Variants in DLG2 observed in about 807,000 individuals in gnomAD.
DLG2 encodes discs large MAGUK scaffold protein 2.
In DLG2, 45 loss-of-function variants were observed where a neutral mutation model predicts 132.5. The observed-to-expected ratio is 0.34, with a 90% CI of 0.27 to 0.44. The LOEUF is 0.44. Ranked by LOEUF, DLG2 falls within the 20% of genes least tolerant of loss-of-function variation. The pLI is 1.00. For missense variants in DLG2, 1,045 were observed against 1,196.9 expected (o/e 0.87, Z 1.87); for synonymous variants, 424 against 419.6 (o/e 1.01, Z -0.13).
At chr11:85,503,262 T>A (rs1395770749) in intron 3 of DLG2, among the ~76,000 whole-genome samples, 3 of 152,142 alleles carry the variant, frequency 2.0e-5, no homozygotes, top group African/African-American at 7.2e-5. Context: ...AGGAAAATAC[T>A]TTTCTTGACA....
intron 6 of DLG2, among the ~76,000 whole-genome samples, chr11:84,606,430 G>A (rs575135939): frequency 4.6e-5 from 7 of 152,156 alleles, no homozygotes; most frequent in African/African-American, 1.7e-4. Context: ...TCTTTGTATG[G>A]TGGACCTCTT....
intron 16 of DLG2, among the ~76,000 whole-genome samples, chr11:83,867,129 T>A (rs2154057343): frequency 6.6e-6 from 1 of 152,280 alleles, no homozygotes; most frequent in East Asian, 1.9e-4. Flanking sequence ...CTTTGTATTT[T>A]AATGTCTTAC....
chr11:84,865,013 A>T (rs914941925), intron 6 of DLG2, among the ~76,000 whole-genome samples: 6 of 152,322 alleles, frequency 3.9e-5, no homozygotes, highest in African/African-American at 1.4e-4. Context: ...AGGCATATAC[A>T]AAGAAAAATC....
intron 3 of DLG2, among the ~76,000 whole-genome samples, chr11:85,443,069 A>C (rs2091859862): frequency 6.6e-6 from 1 of 152,254 alleles, no homozygotes; most frequent in African/African-American, 2.4e-5. Context: ...AATAGAAAAT[A>C]AGATGTGAAA....
At chr11:83,867,179 A>G (rs1017681282) in intron 16 of DLG2, among the ~76,000 whole-genome samples, 4 of 152,122 alleles carry the variant, frequency 2.6e-5, no homozygotes, top group Admixed American at 1.3e-4. Context: ...AACAAAACAC[A>G]TACAAGTTTG....
intron 6 of DLG2, among the ~76,000 whole-genome samples, chr11:84,581,987 T>C (rs2099517721): frequency 6.6e-6 from 1 of 151,534 alleles, no homozygotes; most frequent in African/African-American, 2.4e-5. Context: ...GATTTAGTGT[T>C]CATATTCACA....
chr11:84,108,243 G>A (rs1391014752), intron 9 of DLG2, among the ~76,000 whole-genome samples: 1 of 152,054 alleles, frequency 6.6e-6, no homozygotes, highest in Non-Finnish European at 1.5e-5. Flanking sequence ...CAATATTTTG[G>A]AGATAAAGCA....
chr11:84,807,967 A>T, intron 6 of DLG2, among the ~76,000 whole-genome samples: 1 of 152,194 alleles, frequency 6.6e-6, no homozygotes, highest in East Asian at 1.9e-4. Context: ...GAATGCATAT[A>T]GAATAATAAC....
At chr11:83,893,118 T>C (rs1342418480) in intron 15 of DLG2, among the ~76,000 whole-genome samples, 3 of 152,180 alleles carry the variant, frequency 2.0e-5, no homozygotes, top group Non-Finnish European at 4.4e-5. Context: ...ACCACAGAAA[T>C]ACACCCTACC....
At chr11:83,871,646 T>A (rs956561157) in intron 16 of DLG2, among the ~76,000 whole-genome samples, 3 of 25,726 alleles carry the variant, frequency 1.2e-4, no homozygotes, top group African/African-American at 5.1e-4. Context: ...GTGCACGTTA[T>A]CTCTTCATCT....
At chr11:84,207,012 C>T (rs1406284784) in intron 8 of DLG2, among the ~76,000 whole-genome samples, 2 of 151,410 alleles carry the variant, frequency 1.3e-5, no homozygotes, top group Non-Finnish European at 3.0e-5. Context: ...TTTAAAAAAT[C>T]AATGCCAATT....
intron 9 of DLG2, among the ~76,000 whole-genome samples, chr11:84,131,310 T>C (rs1307284791): frequency 2.0e-5 from 3 of 151,984 alleles, no homozygotes; most frequent in Non-Finnish European, 4.4e-5. Flanking sequence ...AGTTCCAATG[T>C]TCTAATGGTA....
intron 3 of DLG2, among the ~76,000 whole-genome samples, chr11:85,307,831 T>C (rs1042712543): frequency 6.6e-6 from 1 of 152,208 alleles, no homozygotes; most frequent in African/African-American, 2.4e-5. Context: ...ACTTACAATG[T>C]TTTTTGACAG....
intron 6 of DLG2, among the ~76,000 whole-genome samples, chr11:85,089,571 A>T (rs1157245991): frequency 6.6e-6 from 1 of 152,190 alleles, no homozygotes; most frequent in Non-Finnish European, 1.5e-5. Flanking sequence ...TGCTATTATG[A>T]ATAGTACTGT....
intron 7 of DLG2, among the ~76,000 whole-genome samples, chr11:84,333,276 T>C (rs137861734): frequency 6.0e-4 from 92 of 152,370 alleles, no homozygotes; most frequent in African/African-American, 1.9e-3. Flanking sequence ...CTGTTAAACA[T>C]CTGCATTCCA....
intron 2 of DLG2, among the ~76,000 whole-genome samples, chr11:85,606,816 G>T (rs2080588961): frequency 1.3e-5 from 2 of 152,044 alleles, no homozygotes; most frequent in South Asian, 4.1e-4. Flanking sequence ...CCACCTTTAA[G>T]AGCTGTAACA....
chr11:85,000,429 C>G (rs2058104546), intron 6 of DLG2, among the ~76,000 whole-genome samples: 1 of 151,964 alleles, frequency 6.6e-6, no homozygotes, highest in African/African-American at 2.4e-5. Context: ...TTTTTTAAAT[C>G]CTAGCCTTCC....
intron 9 of DLG2, among the ~76,000 whole-genome samples, chr11:84,119,737 T>C (rs116695540): frequency 1.2e-4 from 19 of 152,274 alleles, no homozygotes; most frequent in African/African-American, 4.3e-4. Context: ...CTTAAATAGA[T>C]ATTTAGAAAG....
chr11:85,563,334 C>T (rs1017539766), intron 3 of DLG2, among the ~76,000 whole-genome samples: 12 of 151,620 alleles, frequency 7.9e-5, no homozygotes, highest in African/African-American at 2.7e-4. Context: ...ATTTCCATAA[C>T]TCCAAGAGTT....
Sources: gnomAD v4.1 joint callset for allele counts (sites outside exome capture counted in the v4.1 genomes callset) on GRCh38, gnomAD v4.1.1 for gene constraint, MANE v1.5 for transcripts, NCBI Gene and HGNC (gene_info 2026-07-23, HGNC 2026-07-21) for gene names.